Variants in STK33 observed in about 807,000 individuals in gnomAD.
The protein encoded by STK33 is serine/threonine kinase 33.
A neutral mutation model predicts 58.0 loss-of-function variants in STK33; 52 were observed. The ratio of observed to expected loss-of-function variants is 0.90; its 90% CI spans 0.72 to 1.13. STK33 has a LOEUF of 1.13. STK33 is among the 50% of genes most tolerant of loss of function. The probability of loss-of-function intolerance (pLI) is 0.00; values close to 1 mark genes in which losing one functional copy is unlikely to be tolerated. For missense variants in STK33, 630 were observed against 604.2 expected, an observed-to-expected ratio of 1.04 and a Z score of -0.45; for synonymous variants, 215 against 200.1, an observed-to-expected ratio of 1.07 and a Z score of -0.63.
At chr11:8,491,026 A>G (rs1193805609) in intron 1 of STK33, among the ~76,000 whole-genome samples, 1 of 152,190 alleles carries the variant, frequency 6.6e-6, no homozygotes, top group East Asian at 1.9e-4. Flanking sequence ...AAACCAGAGC[A>G]CCTCTTCTCC....
the STK33 span, among the ~76,000 whole-genome samples, chr11:8,366,157 G>A: frequency 2.6e-5 from 4 of 152,236 alleles, no homozygotes; most frequent in Non-Finnish European, 4.4e-5. Flanking sequence ...AGTTGCTGAA[G>A]CATCAGAAGG....
intron 12 of STK33, among the ~76,000 whole-genome samples, chr11:8,436,779 C>G (rs886761832): frequency 6.6e-6 from 1 of 152,188 alleles, no homozygotes; most frequent in Non-Finnish European, 1.5e-5. Flanking sequence ...CTCACTGCAA[C>G]CTCCGCCTCC....
At chr11:8,479,190 G>A (rs979899548) in intron 2 of STK33, among the ~76,000 whole-genome samples, 4 of 151,964 alleles carry the variant, frequency 2.6e-5, no homozygotes, top group East Asian at 1.9e-4. Context: ...TGAGGCGGGT[G>A]GATCACAAGG....
chr11:8,463,922 C>G (rs1353987070), intron 7 of STK33, among the ~76,000 whole-genome samples: 1 of 152,124 alleles, frequency 6.6e-6, no homozygotes, highest in African/African-American at 2.4e-5. Context: ...GGCTCTTAAT[C>G]CCTTTACTAA....
chr11:8,396,773 GC>G (rs1849421386), intron 15 of STK33, among the ~76,000 whole-genome samples: 1 of 152,200 alleles, frequency 6.6e-6, no homozygotes, highest in Non-Finnish European at 1.5e-5. Flanking sequence ...CTAATACTGT[GC>G]TTTTCCAATG....
chr11:8,534,558 CTCTCTCTCTCTGTG>C (rs1259780598), intron 1 of STK33, among the ~76,000 whole-genome samples: 2 of 130,460 alleles, frequency 1.5e-5, no homozygotes, highest in African/African-American at 6.3e-5. Context: ...CTCTCTCTCT[CTCTCTCTCTCTGTG>C]TGTGTGTGTG....
At chr11:8,452,534 C>A (rs1240239807) in intron 11 of STK33, among the ~76,000 whole-genome samples, 1 of 152,114 alleles carries the variant, frequency 6.6e-6, no homozygotes, top group Non-Finnish European at 1.5e-5. Context: ...GTAATCCCAA[C>A]ACTTGGGAAA....
the STK33 span, among the ~76,000 whole-genome samples, chr11:8,345,837 TAG>T: frequency 6.6e-6 from 1 of 152,136 alleles, no homozygotes; most frequent in African/African-American, 2.4e-5. Context: ...AGAAAGATGG[TAG>T]AGACCGCTCT....
intron 1 of STK33, among the ~76,000 whole-genome samples, chr11:8,486,610 C>T (rs1247170140): frequency 6.6e-6 from 1 of 152,182 alleles, no homozygotes; most frequent in Non-Finnish European, 1.5e-5. Context: ...ATACCCAAAG[C>T]TCCCTGAAGG....
At chr11:8,524,186 C>A (rs906417418) in intron 1 of STK33, among the ~76,000 whole-genome samples, 1 of 152,138 alleles carries the variant, frequency 6.6e-6, no homozygotes, top group Non-Finnish European at 1.5e-5. Flanking sequence ...GGCAGAAGGC[C>A]GCAGGGTCCT....
At chr11:8,397,487 G>T (rs993019830) in intron 15 of STK33, among the ~76,000 whole-genome samples, 3 of 152,114 alleles carry the variant, frequency 2.0e-5, no homozygotes, top group Non-Finnish European at 4.4e-5. Flanking sequence ...AAGACCAAAG[G>T]TAGATAAAAC....
intron 11 of STK33, among the ~76,000 whole-genome samples, chr11:8,447,110 A>C (rs1565003280): frequency 6.6e-6 from 1 of 152,090 alleles, no homozygotes; most frequent in East Asian, 1.9e-4. Context: ...GGGAACTTAA[A>C]CTTACAAGAA....
chr11:8,503,430 CA>C, intron 1 of STK33, among the ~76,000 whole-genome samples: 1 of 152,192 alleles, frequency 6.6e-6, no homozygotes, highest in East Asian at 1.9e-4. Flanking sequence ...TACACATGGA[CA>C]CAAAGAAGGG....
At chr11:8,521,950 T>C (rs904312701) in intron 1 of STK33, among the ~76,000 whole-genome samples, 2 of 152,050 alleles carry the variant, frequency 1.3e-5, no homozygotes, top group Non-Finnish European at 2.9e-5. Flanking sequence ...CCAGTTAGAA[T>C]GGTGATCATT....
chr11:8,391,453 A>T (rs894870781), downstream of STK33, among the ~76,000 whole-genome samples: 1 of 152,240 alleles, frequency 6.6e-6, no homozygotes, highest in Non-Finnish European at 1.5e-5. Context: ...ACTAACTGCA[A>T]GAAGCACACG....
Position 8,392,637 on chromosome 11 carries a change from G to A in STK33, c.1418C>T (p.Ser473Phe). Residue 473 changes from serine to phenylalanine, a missense_variant, in exon 16 of 16, where the codon TCT (serine) becomes TTT (phenylalanine). Coordinates refer to ENST00000687296, the MANE Select transcript of STK33 (RefSeq NM_001352389.2). ...NFDMCSSSFT[S>F]SKLLPAEIKG... is the part of the protein sequence containing the mutation. ...GATTTCAGCTGGAAGGAGTTTGCTA[G>A]ATGTGAAACTTGAACTGCACATATC... The A allele has an allele frequency of 6.2e-7, 1 of 1,614,232 alleles. No homozygotes were observed. Among genetic ancestry groups the A allele is most frequent in the Non-Finnish European group, 8.5e-7 (1 of 1,180,056 alleles).
At chr11:8,511,546 G>T (rs1045310926) in intron 1 of STK33, among the ~76,000 whole-genome samples, 8 of 152,138 alleles carry the variant, frequency 5.3e-5, no homozygotes, top group African/African-American at 1.7e-4. Context: ...GGGCATCCTT[G>T]TCTTGTTCCA....
intron 1 of STK33, among the ~76,000 whole-genome samples, chr11:8,520,362 T>G (rs560130551): frequency 1.3e-5 from 2 of 152,078 alleles, no homozygotes; most frequent in Admixed American, 1.3e-4. Context: ...TAAGAGCTAT[T>G]TATGACAAAC....
At chr11:8,498,484 A>C (rs536319303) in intron 1 of STK33, among the ~76,000 whole-genome samples, 1 of 152,350 alleles carries the variant, frequency 6.6e-6, no homozygotes, top group South Asian at 2.1e-4. Flanking sequence ...GGATAGGAAG[A>C]ATCAATATCA....
Sources: allele counts gnomAD v4.1 joint callset (sites outside exome capture counted in the v4.1 genomes callset), GRCh38; gene constraint gnomAD v4.1.1; transcripts MANE v1.5; gene names NCBI Gene and HGNC (gene_info 2026-07-23, HGNC 2026-07-21).